The following LRRC40 variants were observed in gnomAD, a reference collection of about 807,000 sequenced individuals.
LRRC40 encodes the protein leucine-rich repeat-containing protein 40.
In LRRC40, 76 loss-of-function variants were observed where a neutral mutation model predicts 72.8. The observed-to-expected ratio is 1.04, with a 90% CI of 0.87 to 1.26. The LOEUF is 1.26. LRRC40 is among the 50% of genes most tolerant of loss of function. LRRC40 has a pLI of 0.00. For missense variants in LRRC40, 684 were observed against 698.9 expected, an observed-to-expected ratio of 0.98 and a Z score of 0.24; for synonymous variants, 243 against 254.2, an observed-to-expected ratio of 0.96 and a Z score of 0.42.
At chr1:70,176,502 A>G (rs1047365110) in intron 6 of LRRC40, among the ~76,000 whole-genome samples, 7 of 145,706 alleles carry the variant, frequency 4.8e-5, no homozygotes, top group African/African-American at 1.8e-4. Flanking sequence ...ATTGCACTCT[A>G]GCCTGGATGA....
chr1:70,205,503 C>T lies in LRRC40; in HGVS notation c.38G>A (p.Arg13His), dbSNP rs764305527. 6.2e-7 allele frequency: 1 copy of T among 1,605,266 alleles called. No individual in the cohort carries two copies. Among genetic ancestry groups the T allele is most frequent in the Non-Finnish European group, 8.5e-7 (1 of 1,172,976 alleles). The change falls in exon 1 of 15, where the codon CGC becomes CAC. Residue 13 changes from arginine to histidine, a missense_variant. Transcript: ENST00000370952. ...TCTTCCACCTGCTTTGAAACCAGCG[C>T]GGAGATCCTGCCCCGCTATCCGCTT... ...RLKRIAGQDL[R>H]AGFKAGGRDC...
intron 1 of LRRC40, among the ~76,000 whole-genome samples, chr1:70,193,563 A>G (rs1668547245): frequency 6.6e-6 from 1 of 151,984 alleles, no homozygotes; most frequent in African/African-American, 2.4e-5. Context: ...TTCTACATAA[A>G]CTCTTTCAAA....
rs535933871 is a variant in LRRC40, at chr1:70,177,682, T to G, written c.804+1169A>C. 2.0e-4 allele frequency among the ~76,000 whole-genome samples: 30 copies of G among 152,356 alleles called. No homozygotes were observed. The East Asian group carries it at 2.5e-3, about 13-fold the overall frequency. ...CCTGACATATACCATAGATTTAAGT[T>G]GCTCACCATTTCAGACAGATGATTC... On this transcript the variant is annotated intron_variant, in intron 6 of 14. Transcript: ENST00000370952.
Position 70,189,118 on chromosome 1 carries a change from G to A in LRRC40, c.307C>T (p.Leu103Phe), listed in dbSNP as rs1476018686. ...TCAAGAACAGTCAGTGCAGGCAAGA[G>A]TCGCAGGTCATCTGTAAGTGACTGA... ...KLQSLTDDLR[L>F]LPALTVLDIH... Residue 103 changes from leucine (L) to phenylalanine (F), a missense_variant, in exon 2 of 15, where the codon CTC (leucine) becomes TTC (phenylalanine). Physicochemically the swap from Leu to Phe is conservative, Grantham distance 22. Coordinates refer to ENST00000370952, the MANE Select transcript of LRRC40 (RefSeq NM_017768.5). 1 of 1,613,412 alleles carries A rather than the reference G, an allele frequency of 6.2e-7. No homozygotes were observed. The highest frequency in any genetic ancestry group is 8.5e-7 in the Non-Finnish European group (1 of 1,179,846).
In LRRC40 at chr1:70,159,288, A is replaced by T. The variant is rs751682738; in HGVS notation, c.1220+42T>A. The T allele has an allele frequency of 2.4e-5, 22 of 921,968 alleles. No homozygotes were observed. The South Asian group carries it at 4.3e-4, about 18-fold the overall frequency. The allele number at this position is 921,968 out of a possible 1,614,324, so 57.1% of individuals were successfully genotyped here. A position where few individuals can be genotyped will look rare whatever the true frequency, so the allele number is the denominator to read the frequency against. Reference sequence around the variant, plus strand: ...AGACCAGCCTGGGCAACACAGTAAGACCCTATCTCTATAAAAATAAAAATA... The same window carrying T: ...AGACCAGCCTGGGCAACACAGTAAGTCCCTATCTCTATAAAAATAAAAATA... On this transcript the variant is annotated intron_variant, in intron 10 of 14. Coordinates refer to ENST00000370952, the MANE Select transcript of LRRC40 (RefSeq NM_017768.5).
At chr1:70,189,724 T>C (rs146105617) in intron 1 of LRRC40, among the ~76,000 whole-genome samples, 2 of 152,360 alleles carry the variant, frequency 1.3e-5, no homozygotes, top group East Asian at 1.9e-4. Context: ...CTAACACTTA[T>C]AAATACTTCT....
At chr1:70,202,216 A>G (rs1475545090) in intron 1 of LRRC40, among the ~76,000 whole-genome samples, 1 of 152,166 alleles carries the variant, frequency 6.6e-6, no homozygotes, top group Non-Finnish European at 1.5e-5. Flanking sequence ...AGTTGAACAT[A>G]TATCCAGACA....
Position 70,164,350 on chromosome 1 carries a change from A to G in LRRC40, c.1112-4912T>C, listed in dbSNP as rs143371292. On this transcript the variant is annotated intron_variant, in intron 9 of 14. Coordinates refer to ENST00000370952, the MANE Select transcript of LRRC40 (RefSeq NM_017768.5). ...GGTTGCAGTGAGCCGAGATCGCGACATTGCACTCCAACCTGGGCAACGAGA... is the reference window on the plus strand; with the variant it reads ...GGTTGCAGTGAGCCGAGATCGCGACGTTGCACTCCAACCTGGGCAACGAGA... Among the ~76,000 whole-genome samples the G allele has an allele frequency of 7.2e-3, 1,098 of 152,208 alleles. 5 individuals are homozygous for G. The highest frequency in any genetic ancestry group is 9.7e-3 in the Non-Finnish European group (658 of 68,020).
Position 70,152,168 on chromosome 1 carries a change from A to C in LRRC40, c.1439+265T>G, listed in dbSNP as rs149101248. On this transcript the variant is annotated intron_variant, in intron 12 of 14. Coordinates refer to ENST00000370952, the MANE Select transcript of LRRC40 (RefSeq NM_017768.5). ...TGTCTTATTTGTAATTTTGCTTAGA[A>C]TGGGTTAATATTTTCAGTAATTTTG... 3.0e-3 allele frequency among the ~76,000 whole-genome samples: 456 copies of C among 152,264 alleles called. 4 individuals carry two copies. Among genetic ancestry groups the C allele is most frequent in the African/African-American group, 0.011 (440 of 41,594 alleles).
Position 70,197,884 on chromosome 1 carries a change from AG to A in LRRC40, c.151+7505del, listed in dbSNP as rs376528297. ...CACCTGAGGTCAGGAGTTTGAGACC[AG>A]CCTGACCAACATGGTAAAACCCCAT... On this transcript the variant is annotated intron_variant, in intron 1 of 14. Coordinates refer to ENST00000370952, the MANE Select transcript of LRRC40 (RefSeq NM_017768.5). Among the ~76,000 whole-genome samples, 270 of 152,170 alleles carry A rather than the reference AG, an allele frequency of 1.8e-3. 3 individuals carry two copies. The highest frequency in any genetic ancestry group is 6.3e-3 in the African/African-American group (260 of 41,546).
At chr1:70,146,556 A>C (rs916506815) in intron 14 of LRRC40, among the ~76,000 whole-genome samples, 1 of 152,180 alleles carries the variant, frequency 6.6e-6, no homozygotes, top group Non-Finnish European at 1.5e-5. Context: ...AATATTGTCT[A>C]AGATCAAACA....
intron 1 of LRRC40, among the ~76,000 whole-genome samples, chr1:70,191,432 C>T (rs1473598560): frequency 6.6e-6 from 1 of 151,958 alleles, no homozygotes; most frequent in East Asian, 1.9e-4. Context: ...TACCTGTTAC[C>T]CATCAACTAT....
chr1:70,178,566 C>T (rs1668161836), intron 6 of LRRC40, among the ~76,000 whole-genome samples: 1 of 152,120 alleles, frequency 6.6e-6, no homozygotes, highest in Non-Finnish European at 1.5e-5. Flanking sequence ...CTCCTACTTA[C>T]AATTTTAGCC....
intron 9 of LRRC40, among the ~76,000 whole-genome samples, chr1:70,166,905 AGAAAAAAG>A (rs1448275634): frequency 6.6e-6 from 1 of 151,740 alleles, no homozygotes; most frequent in Non-Finnish European, 1.5e-5. Context: ...AAAAGAAAGG[AGAAAAAAG>A]GAAAAAAAAG....
intron 6 of LRRC40, 43 bp from the exon 7 acceptor site, chr1:70,176,025 T>A: frequency 8.2e-7 from 1 of 1,220,254 alleles, no homozygotes; most frequent in Non-Finnish European, 1.1e-6. Context: ...TGTATTCAAT[T>A]TTATAGTAGA....
At position 70,184,686 on chromosome 1, in the gene LRRC40, C is replaced by T. The variant is rs867454165; in HGVS notation, c.537+99G>A. 3 of 1,123,220 alleles carry T rather than the reference C, an allele frequency of 2.7e-6. No individual in the cohort carries two copies. The Middle Eastern group carries it at 6.6e-4, about 245-fold the overall frequency. 69.6% of individuals were successfully genotyped at this position (1,123,220 alleles called of 1,614,324 possible). The stretch of plus-strand genomic sequence containing the variant: ...ATAATCTAATCACAAAATCAGCTGT[C>T]CATGTTCCCACAGTTTCAATCATCT... On this transcript the variant is annotated intron_variant, in intron 4 of 14. Coordinates refer to ENST00000370952, the MANE Select transcript of LRRC40 (RefSeq NM_017768.5).
intron 9 of LRRC40, among the ~76,000 whole-genome samples, chr1:70,160,937 T>C (rs1667744648): frequency 6.6e-6 from 1 of 151,850 alleles, no homozygotes; most frequent in African/African-American, 2.4e-5. Context: ...CCAAAGTTAA[T>C]TACCATAAAA....
intron 9 of LRRC40, among the ~76,000 whole-genome samples, chr1:70,171,471 T>C (rs1172326198): frequency 6.6e-6 from 1 of 151,292 alleles, no homozygotes; most frequent in East Asian, 1.9e-4. Context: ...CTAAAGTATG[T>C]AAAGAACACT....
intron 1 of LRRC40, among the ~76,000 whole-genome samples, chr1:70,204,992 CAT>C (rs998930359): frequency 1.8e-4 from 28 of 151,964 alleles, no homozygotes; most frequent in Middle Eastern, 3.2e-3. Flanking sequence ...GCCGATAAAA[CAT>C]ATAATTTTAG....
Sources: gnomAD v4.1 joint callset for allele counts (sites outside exome capture counted in the v4.1 genomes callset) on GRCh38, gnomAD v4.1.1 for gene constraint, MANE v1.5 for transcripts, NCBI Gene and HGNC (gene_info 2026-07-23, HGNC 2026-07-21) for gene names.